The following CFTR variants were observed in gnomAD, a reference collection of about 807,000 sequenced individuals.
CFTR encodes cystic fibrosis transmembrane conductance regulator.
A neutral mutation model predicts 171.6 loss-of-function variants in CFTR; 181 were observed. The ratio of observed to expected loss-of-function variants is 1.05; its 90% CI spans 0.93 to 1.19. The LOEUF (loss-of-function observed/expected upper bound fraction) is 1.19. CFTR is among the 50% of genes most tolerant of loss of function. The pLI, the probability that CFTR is intolerant of heterozygous loss-of-function variation, is 0.00. For synonymous variants in CFTR, 583 were observed against 608.0 expected (o/e 0.96, Z 0.60); for missense variants, 1,968 against 1,734.7 (o/e 1.13, Z -2.39).
In CFTR at chr7:117,610,670, G is replaced by A. The variant is rs397508503; in HGVS notation, c.3139+1G>A. ...CAACTCAAACAACTGGAATCTGAAGGTATGACAGTGAATGTGCGATACTCA... is the reference window on the plus strand; with the variant it reads ...CAACTCAAACAACTGGAATCTGAAGATATGACAGTGAATGTGCGATACTCA... On this transcript the variant is annotated splice_donor_variant, in intron 19 of 26. Coordinates refer to ENST00000003084, the MANE Select transcript of CFTR (RefSeq NM_000492.4). LOFTEE classifies it high-confidence loss of function. 1 of 1,613,092 alleles carries A rather than the reference G, an allele frequency of 6.2e-7. No homozygotes were observed. Among genetic ancestry groups the A allele is most frequent in the Non-Finnish European group, 8.5e-7 (1 of 1,179,424 alleles).
intron 9 of CFTR, among the ~76,000 whole-genome samples, chr7:117,542,773 TG>T (rs1361218004): frequency 2.6e-5 from 4 of 152,188 alleles, no homozygotes; most frequent in Non-Finnish European, 4.4e-5. Flanking sequence ...TGGCTCTCCA[TG>T]TGTAAAATGG....
chr7:117,651,982 A>T (rs1456722779), intron 23 of CFTR, among the ~76,000 whole-genome samples: 1 of 152,206 alleles, frequency 6.6e-6, no homozygotes, highest in Non-Finnish European at 1.5e-5. Context: ...GGTAAAAAAA[A>T]TATTCTAAAT....
chr7:117,512,752 A>C (rs1798539597), intron 3 of CFTR, among the ~76,000 whole-genome samples: 1 of 152,134 alleles, frequency 6.6e-6, no homozygotes, highest in African/African-American at 2.4e-5. Context: ...AGCTCTCACA[A>C]GCAGATTGGT....
At chr7:117,522,150 C>CT (rs1798694580) in intron 3 of CFTR, among the ~76,000 whole-genome samples, 1 of 152,168 alleles carries the variant, frequency 6.6e-6, no homozygotes, top group Non-Finnish European at 1.5e-5. Context: ...CTAATCTGAG[C>CT]CCCTCTACCC....
intron 20 of CFTR, among the ~76,000 whole-genome samples, chr7:117,613,780 G>A (rs1792440781): frequency 6.6e-6 from 1 of 151,974 alleles, no homozygotes; most frequent in Non-Finnish European, 1.5e-5. Flanking sequence ...TCTCCCAATT[G>A]TAGAATCTTT....
At chr7:117,489,600 T>A (rs1293267521) in intron 1 of CFTR, among the ~76,000 whole-genome samples, 2 of 152,000 alleles carry the variant, frequency 1.3e-5, no homozygotes, top group Non-Finnish European at 2.9e-5. Context: ...GGCTGTTAAC[T>A]GAGCTTGGCC....
chr7:117,497,016 A>G (rs1231432509), intron 1 of CFTR, among the ~76,000 whole-genome samples: 1 of 150,340 alleles, frequency 6.7e-6, no homozygotes, highest in East Asian at 2.0e-4. Flanking sequence ...TTTCCAATTT[A>G]TTTTTTGTTA....
chr7:117,590,226 T>A (rs1792004380), intron 12 of CFTR, 127 bp from the exon 13 acceptor site: 1 of 1,091,898 alleles, frequency 9.2e-7, no homozygotes, highest in Non-Finnish European at 1.3e-6. Flanking sequence ...GAGAATAGTG[T>A]TATTTCAGTG....
chr7:117,637,604 C>G (rs373007787), intron 22 of CFTR, among the ~76,000 whole-genome samples: 1 of 151,870 alleles, frequency 6.6e-6, no homozygotes, highest in Admixed American at 6.6e-5. Flanking sequence ...GGGCCAGGTG[C>G]GGTGGCTCAC....
intron 22 of CFTR, 113 bp downstream of exon 22, chr7:117,627,883 A>C (rs1792679190): frequency 1.8e-6 from 2 of 1,102,184 alleles, no homozygotes; most frequent in Non-Finnish European, 2.7e-6. Flanking sequence ...GTACAGTAGA[A>C]TCAATATTAA....
chr7:117,513,848 A>G (rs1798559112), intron 3 of CFTR, among the ~76,000 whole-genome samples: 1 of 151,998 alleles, frequency 6.6e-6, no homozygotes, highest in African/African-American at 2.4e-5. Context: ...ACAATCTCCT[A>G]TGTCCTGAAT....
intron 11 of CFTR, among the ~76,000 whole-genome samples, chr7:117,579,173 A>G (rs1003381965): frequency 6.6e-6 from 1 of 152,072 alleles, no homozygotes; most frequent in East Asian, 1.9e-4. Flanking sequence ...TAAGACATAT[A>G]TGGAGAAAAT....
At position 117,642,528 on chromosome 7, in the gene CFTR, G is replaced by T. The variant is rs11971167; in HGVS notation, c.3808G>T (p.Asp1270Tyr). Residue 1270 changes from aspartate to tyrosine, a missense_variant, in exon 23 of 27, where the codon GAT becomes TAT. Asp to Tyr is a radical substitution (Grantham distance 160, BLOSUM62 -3). Coordinates refer to ENST00000003084, the MANE Select transcript of CFTR (RefSeq NM_000492.4). ...GAACACTGAAGGAGAAATCCAGATC[G>T]ATGGTGTGTCTTGGGATTCAATAAC... Reference protein sequence around the residue: ...LLNTEGEIQIDGVSWDSITLQ... With the variant: ...LLNTEGEIQIYGVSWDSITLQ... 2 of 1,613,598 alleles carry T rather than the reference G, an allele frequency of 1.2e-6. No homozygotes were observed. The highest frequency in any genetic ancestry group is 8.5e-7 in the Non-Finnish European group (1 of 1,179,730).
chr7:117,663,414 A>T (rs1793320245), intron 24 of CFTR, among the ~76,000 whole-genome samples: 2 of 152,220 alleles, frequency 1.3e-5, no homozygotes, highest in South Asian at 4.1e-4. Flanking sequence ...AATTTCTACA[A>T]GGTGAGATTA....
chr7:117,617,631 C>G (rs1792513711), intron 21 of CFTR, among the ~76,000 whole-genome samples: 1 of 151,818 alleles, frequency 6.6e-6, no homozygotes, highest in Non-Finnish European at 1.5e-5. Context: ...TTTCTCATTT[C>G]TCTCCACCAG....
intron 23 of CFTR, among the ~76,000 whole-genome samples, chr7:117,644,900 C>G (rs1792976752): frequency 6.6e-6 from 1 of 152,054 alleles, no homozygotes; most frequent in South Asian, 2.1e-4. Flanking sequence ...GCAATTAGAA[C>G]AACAAGATCT....
intron 24 of CFTR, among the ~76,000 whole-genome samples, chr7:117,662,856 A>G (rs2283058): frequency 1.3e-4 from 20 of 152,178 alleles, no homozygotes; most frequent in South Asian, 4.2e-4. Context: ...ATAGGTGGTC[A>G]TCAATACCCT....
At chr7:117,517,460 T>C (rs550879590) in intron 3 of CFTR, among the ~76,000 whole-genome samples, 8 of 152,320 alleles carry the variant, frequency 5.3e-5, no homozygotes, top group Non-Finnish European at 1.0e-4. Context: ...CTATCATTGG[T>C]GGACATTTGG....
chr7:117,593,418 A>G lies in CFTR; in HGVS notation c.2490+761A>G, dbSNP rs529459403. 5.1e-4 allele frequency among the ~76,000 whole-genome samples: 77 copies of G among 152,332 alleles called. 1 individual carries two copies. In the South Asian group the frequency reaches 0.014, roughly 28 times the overall value. On this transcript the variant is annotated intron_variant, in intron 14 of 26. Transcript: ENST00000003084. Reference sequence around the variant, plus strand: ...ATTGATATGTTTAATAGTATAGATCATTTGTGAATAATATGACCTTTGACA... The same window carrying G: ...ATTGATATGTTTAATAGTATAGATCGTTTGTGAATAATATGACCTTTGACA...
Sources: allele counts gnomAD v4.1 joint callset (sites outside exome capture counted in the v4.1 genomes callset), GRCh38; gene constraint gnomAD v4.1.1; transcripts MANE v1.5; gene names NCBI Gene and HGNC (gene_info 2026-07-23, HGNC 2026-07-21).